PCDHGA12: variants seen among roughly 807,000 people sequenced by gnomAD.
PCDHGA12 encodes protocadherin gamma-A12.
Under a neutral mutation model 61.1 loss-of-function variants are expected in PCDHGA12, and 43 were observed. That is an observed-to-expected ratio of 0.70 (90% CI 0.55 to 0.91). PCDHGA12 has a LOEUF of 0.91. PCDHGA12 is among the 40% of genes least tolerant of loss of function. The pLI is 0.00. For synonymous variants in PCDHGA12, 520 were observed against 542.9 expected, an observed-to-expected ratio of 0.96 and a Z score of 0.59; for missense variants, 1,236 against 1,227.7, an observed-to-expected ratio of 1.01 and a Z score of -0.10.
intron 1 of PCDHGA12, among the ~76,000 whole-genome samples, chr5:141,445,277 A>G (rs769047096): frequency 6.6e-6 from 1 of 152,256 alleles, no homozygotes; most frequent in African/African-American, 2.4e-5. Flanking sequence ...ACCACTCTGC[A>G]TAAGTTCAGG....
intron 1 of PCDHGA12, among the ~76,000 whole-genome samples, chr5:141,433,399 CTA>C (rs1491097109): frequency 1.1e-4 from 17 of 150,894 alleles, no homozygotes; most frequent in African/African-American, 4.1e-4. Context: ...ATCTATCTAT[CTA>C]TCTATTACTT....
intron 3 of PCDHGA12, among the ~76,000 whole-genome samples, chr5:141,508,439 T>C (rs1037512760): frequency 1.3e-5 from 2 of 152,188 alleles, no homozygotes; most frequent in African/African-American, 4.8e-5. Flanking sequence ...ACACAGTTCC[T>C]TAGTGGCAGA....
chr5:141,443,478 C>T (rs2098390426), intron 1 of PCDHGA12, among the ~76,000 whole-genome samples: 1 of 152,052 alleles, frequency 6.6e-6, no homozygotes, highest in East Asian at 1.9e-4. Context: ...AGAATTAGAC[C>T]CTGTCCCAAA....
chr5:141,431,571 A>T lies in PCDHGA12; in HGVS notation c.812A>T (p.Glu271Val), dbSNP rs781289120. 1.2e-6 allele frequency: 2 copies of T among 1,614,026 alleles called. No homozygotes were observed. Among genetic ancestry groups the T allele is most frequent in the African/African-American group, 1.3e-5 (1 of 74,938 alleles). Residue 271 changes from glutamate (E) to valine (V), a missense_variant, in exon 1 of 4, where the codon GAA becomes GTA. Coordinates refer to ENST00000252085, the MANE Select transcript of PCDHGA12 (RefSeq NM_003735.3). This position sits in a 1 kb window ranked among gnomAD's most constrained non-coding sequence, Gnocchi z 4.8. The part of the protein sequence containing the change: ...LLVVNATDPD[E>V]GVNAEVRYSF... ...GTAGTCAACGCTACCGACCCTGACG[A>T]AGGAGTCAATGCGGAAGTGAGGTAT...
In PCDHGA12 at chr5:141,491,996, G is replaced by T; in HGVS notation, c.2425-2811G>T. ...TCCTTCGAGCTTCCGGTGAATTTCG[G>T]GCGATTTCCGCGGGTGTCGGGGGTC... is the stretch of plus-strand genomic sequence containing the variant. On this transcript the variant is annotated intron_variant, in intron 1 of 3. Coordinates refer to ENST00000252085, the MANE Select transcript of PCDHGA12 (RefSeq NM_003735.3). This position sits in a 1 kb window ranked among gnomAD's most constrained non-coding sequence, Gnocchi z 6.9. The T allele has an allele frequency of 2.9e-6, 2 of 686,328 alleles. No individual in the cohort carries two copies. Among genetic ancestry groups the T allele is most frequent in the Non-Finnish European group, 4.5e-6 (2 of 441,080 alleles). 42.5% of individuals were successfully genotyped at this position (686,328 alleles called of 1,614,324 possible). A position where few individuals can be genotyped will look rare whatever the true frequency, so the allele number is the denominator to read the frequency against.
chr5:141,449,588 CAAA>C (rs768743917), intron 1 of PCDHGA12, among the ~76,000 whole-genome samples: 1 of 57,486 alleles, frequency 1.7e-5, no homozygotes, highest in Non-Finnish European at 3.7e-5. Context: ...GACTCTGTCT[CAAA>C]AAAAAAAAAA....
At position 141,477,166 on chromosome 5, in the gene PCDHGA12, G is replaced by A. The variant is rs753389305; in HGVS notation, c.2425-17641G>A. ...TTGTGGATGTGAATGACAACGCCCC[G>A]GAGATCACAGTCACCTCCGTGTACA... On this transcript the variant is annotated intron_variant, in intron 1 of 3. Transcript: ENST00000252085. This position sits in a 1 kb window ranked among gnomAD's most constrained non-coding sequence, Gnocchi z 4.9. 5.9e-5 allele frequency: 96 copies of A among 1,614,012 alleles called. 1 individual carries two copies. Among genetic ancestry groups the A allele is most frequent in the Non-Finnish European group, 7.9e-5 (93 of 1,180,030 alleles).
At position 141,497,540 on chromosome 5, in the gene PCDHGA12, C is replaced by CT. The variant is rs754207034; in HGVS notation, c.2483+2693dup. On this transcript the variant is annotated intron_variant, in intron 2 of 3. Transcript: ENST00000252085. Reference sequence around the variant, plus strand: ...TTAACTTGTGGAGGATGCAACAAACCTTTTTTTTTTTTTTTTTTAGACAGA... The same window carrying CT: ...TTAACTTGTGGAGGATGCAACAAACCTTTTTTTTTTTTTTTTTTTAGACAGA... Among the ~76,000 whole-genome samples, 618 of 134,908 alleles carry CT rather than the reference C, an allele frequency of 4.6e-3. 3 individuals carry two copies. The highest frequency in any genetic ancestry group is 0.012 in the African/African-American group (419 of 35,974). 88.5% of individuals were successfully genotyped at this position (134,908 alleles called of 152,430 possible). A position where few individuals can be genotyped will look rare whatever the true frequency, so the allele number is the denominator to read the frequency against.
At chr5:141,494,455 G>A (rs906714175) in intron 1 of PCDHGA12, among the ~76,000 whole-genome samples, 2 of 152,156 alleles carry the variant, frequency 1.3e-5, no homozygotes, top group African/African-American at 4.8e-5. Flanking sequence ...AGGGGGCTTT[G>A]TCTGCACCTC....
intron 2 of PCDHGA12, among the ~76,000 whole-genome samples, chr5:141,502,654 C>G (rs1424933188): frequency 6.6e-6 from 1 of 152,112 alleles, no homozygotes; most frequent in African/African-American, 2.4e-5. Context: ...TAGGCAGCAA[C>G]CCTTCATGCA....
At chr5:141,482,790 G>A (rs2099572686) in intron 1 of PCDHGA12, among the ~76,000 whole-genome samples, 1 of 128,870 alleles carries the variant, frequency 7.8e-6, no homozygotes, top group African/African-American at 3.5e-5. Context: ...CTGTGTGTGT[G>A]GCCGGGTACG....
rs115237553 is a variant in PCDHGA12, at chr5:141,476,478, T to A, written c.2425-18329T>A. 1.3e-4 allele frequency: 203 copies of A among 1,613,844 alleles called. 2 individuals are homozygous for A. The African/African-American group carries it at 2.5e-3, about 20-fold the overall frequency. Reference sequence around the variant, plus strand: ...GAGAACCCGCTGGAGCTGTTCAGCGTGGAAGTGGTGATCCAGGACATCAAC... The same window carrying A: ...GAGAACCCGCTGGAGCTGTTCAGCGAGGAAGTGGTGATCCAGGACATCAAC... On this transcript the variant is annotated intron_variant, in intron 1 of 3. Transcript: ENST00000252085. The surrounding 1 kb of genome is among the most constrained non-coding windows in gnomAD (Gnocchi z 7.6).
chr5:141,433,358 C>CCCATCTAT (rs1554125967), intron 1 of PCDHGA12, 175 bp downstream of exon 1: 6 of 503,934 alleles, frequency 1.2e-5, no homozygotes, highest in Admixed American at 3.6e-5. Context: ...CTACTGTCTG[C>CCCATCTAT]CTATCTATCT....
At chr5:141,466,180 A>T (rs566514149) in intron 1 of PCDHGA12, among the ~76,000 whole-genome samples, 100 of 151,254 alleles carry the variant, frequency 6.6e-4, no homozygotes, top group African/African-American at 2.1e-3. Context: ...TTTTATTTTT[A>T]TTTTTTTTCA....
chr5:141,472,364 AC>A (rs2099278314), intron 1 of PCDHGA12, among the ~76,000 whole-genome samples: 1 of 151,866 alleles, frequency 6.6e-6, no homozygotes, highest in Non-Finnish European at 1.5e-5. Flanking sequence ...ACACGGTGAA[AC>A]CCCGTCTCCA....
In PCDHGA12 at chr5:141,485,115, G is replaced by A. The variant is rs1043877839; in HGVS notation, c.2425-9692G>A. 6.9e-6 allele frequency: 9 copies of A among 1,300,470 alleles called. No individual in the cohort carries two copies. Among genetic ancestry groups the A allele is most frequent in the Non-Finnish European group, 1.1e-6 (1 of 911,406 alleles). 80.6% of individuals were successfully genotyped at this position (1,300,470 alleles called of 1,614,324 possible). ...GTGTCTCCAGCTGCTGTGGCTGTTT[G>A]GGGCGGGTCGGCTTCATCCGCGTCT... On this transcript the variant is annotated intron_variant, in intron 1 of 3. Coordinates refer to ENST00000252085, the MANE Select transcript of PCDHGA12 (RefSeq NM_003735.3). The surrounding 1 kb of genome is among the most constrained non-coding windows in gnomAD (Gnocchi z 5.7).
At position 141,498,971 on chromosome 5, in the gene PCDHGA12, G is replaced by GGGAAGGAAGGAA. The variant is rs201769957; in HGVS notation, c.2483+4152_2483+4163dup. On this transcript the variant is annotated intron_variant, in intron 2 of 3. Coordinates refer to ENST00000252085, the MANE Select transcript of PCDHGA12 (RefSeq NM_003735.3). ...AAAAAGAGAGAGAGGGAGGGAGGGA[G>GGGAAGGAAGGAA]GGAAGGAAGGAAGGAAGGAAGGAAG... 6.8e-3 allele frequency among the ~76,000 whole-genome samples: 758 copies of GGGAAGGAAGGAA among 111,036 alleles called. 12 individuals are homozygous for GGGAAGGAAGGAA. Among genetic ancestry groups the GGGAAGGAAGGAA allele is most frequent in the African/African-American group, 0.021 (585 of 27,816 alleles). 72.8% of individuals were successfully genotyped at this position (111,036 alleles called of 152,430 possible). A position where few individuals can be genotyped will look rare whatever the true frequency, so the allele number is the denominator to read the frequency against.
At position 141,493,841 on chromosome 5, in the gene PCDHGA12, T is replaced by C. The variant is rs774682943; in HGVS notation, c.2425-966T>C. On this transcript the variant is annotated intron_variant, in intron 1 of 3. Transcript: ENST00000252085. The surrounding 1 kb of genome is among the most constrained non-coding windows in gnomAD (Gnocchi z 4.3). ...CTCTGCTTCTGGGAGCAAGTATGAGTATTAATTACCAGCCCACCCCAGAAC... is the reference window on the plus strand; with the variant it reads ...CTCTGCTTCTGGGAGCAAGTATGAGCATTAATTACCAGCCCACCCCAGAAC... Among the ~76,000 whole-genome samples the C allele has an allele frequency of 3.3e-5, 5 of 152,140 alleles. No homozygotes were observed. In the East Asian group the frequency reaches 9.7e-4, roughly 29 times the overall value.
Position 141,490,721 on chromosome 5 carries a change from T to C in PCDHGA12, c.2425-4086T>C, listed in dbSNP as rs779242781. On this transcript the variant is annotated intron_variant, in intron 1 of 3. Coordinates refer to ENST00000252085, the MANE Select transcript of PCDHGA12 (RefSeq NM_003735.3). This position sits in a 1 kb window ranked among gnomAD's most constrained non-coding sequence, Gnocchi z 5.4. The stretch of plus-strand genomic sequence containing the variant: ...AATGCCCGCCTCACCTACTCCATTG[T>C]AGGAAATCAGGTTCAGGGAGCCCCA... 23 of 1,614,056 alleles carry C rather than the reference T, an allele frequency of 1.4e-5. No individual in the cohort carries two copies. The highest frequency in any genetic ancestry group is 6.6e-5 in the South Asian group (6 of 91,080).
Sources: gnomAD v4.1 joint callset for allele counts (sites outside exome capture counted in the v4.1 genomes callset) on GRCh38, gnomAD v4.1.1 for gene constraint, Gnocchi (gnomAD v3.1) non-coding constraint, MANE v1.5 for transcripts, NCBI Gene and HGNC (gene_info 2026-07-23, HGNC 2026-07-21) for gene names.